The following NCAM2 variants were observed in gnomAD, a reference collection of about 807,000 sequenced individuals.
NCAM2 encodes N-CAM-2.
A neutral mutation model predicts 98.1 loss-of-function variants in NCAM2; 30 were observed. The observed-to-expected ratio is 0.31, with a 90% CI of 0.23 to 0.41. NCAM2 has a LOEUF of 0.41. Ranked by LOEUF, NCAM2 falls within the 10% of genes least tolerant of loss-of-function variation. NCAM2 has a pLI of 1.00. For missense variants in NCAM2, 867 were observed against 1,005.8 expected (o/e 0.86, Z 1.87); for synonymous variants, 368 against 342.4 (o/e 1.07, Z -0.83).
intron 1 of NCAM2, among the ~76,000 whole-genome samples, chr21:21,168,604 C>T (rs774108902): frequency 2.6e-5 from 4 of 152,012 alleles, no homozygotes; most frequent in Non-Finnish European, 4.4e-5. Flanking sequence ...ATTATAGCAA[C>T]GTTGAAGATT....
intron 9 of NCAM2, among the ~76,000 whole-genome samples, chr21:21,390,164 A>G (rs905149967): frequency 4.0e-5 from 6 of 151,844 alleles, no homozygotes; most frequent in Admixed American, 6.6e-5. Context: ...ATTTTTTTTT[A>G]TATTGACTAC....
intron 1 of NCAM2, among the ~76,000 whole-genome samples, chr21:21,250,516 C>T (rs988078625): frequency 6.6e-6 from 1 of 152,116 alleles, no homozygotes; most frequent in African/African-American, 2.4e-5. Context: ...ATATGCAACA[C>T]ATGGGTCAGT....
chr21:21,531,279 C>T (rs1404628888), intron 16 of NCAM2, among the ~76,000 whole-genome samples: 2 of 151,776 alleles, frequency 1.3e-5, no homozygotes, highest in Non-Finnish European at 2.9e-5. Context: ...AAATTTTTTT[C>T]AGTGTTGACA....
At chr21:21,522,868 A>G (rs567141084) in intron 16 of NCAM2, among the ~76,000 whole-genome samples, 3 of 151,842 alleles carry the variant, frequency 2.0e-5, no homozygotes, top group Non-Finnish European at 4.4e-5. Flanking sequence ...CTGACCTCCA[A>G]CCACCTCGGC....
At chr21:21,486,165 G>T (rs1198050432) in intron 15 of NCAM2, among the ~76,000 whole-genome samples, 1 of 151,826 alleles carries the variant, frequency 6.6e-6, no homozygotes, top group East Asian at 1.9e-4. Context: ...TTAGCCGGGC[G>T]TGGTGGCGGG....
Position 21,014,994 on chromosome 21 carries a change from A to G in NCAM2, c.55+16376A>G, listed in dbSNP as rs538778755. On this transcript the variant is annotated intron_variant, in intron 1 of 17. Coordinates refer to ENST00000400546, the MANE Select transcript of NCAM2 (RefSeq NM_004540.5). ...CTGCAGATCTGATGGAAAGAGGAAG[A>G]GAAATAGATTAGAAGTGGAGCTTGC... Among the ~76,000 whole-genome samples the G allele has an allele frequency of 2.0e-5, 3 of 152,206 alleles. No homozygotes were observed. The South Asian group carries it at 6.2e-4, about 31-fold the overall frequency.
chr21:21,284,303 C>A lies in NCAM2; in HGVS notation c.240C>A (p.Ile80=). ...AAGGTGTTAGGTCACGGTTAACCAT[C>A]TACAATGCAAATATAGAAGATGCAG... The part of the protein sequence containing the change: ...QKEGVRSRLT[I]YNANIEDAGI... Residue 80 remains isoleucine (I), a synonymous_variant, in exon 3 of 18, where the codon ATC becomes ATA. Coordinates refer to ENST00000400546, the MANE Select transcript of NCAM2 (RefSeq NM_004540.5). 2 of 1,612,166 alleles carry A rather than the reference C, an allele frequency of 1.2e-6. No homozygotes were observed. Among genetic ancestry groups the A allele is most frequent in the Non-Finnish European group, 1.7e-6 (2 of 1,178,574 alleles).
At chr21:21,091,839 T>C (rs571121306) in intron 1 of NCAM2, among the ~76,000 whole-genome samples, 6 of 152,266 alleles carry the variant, frequency 3.9e-5, no homozygotes, top group African/African-American at 1.4e-4. Flanking sequence ...AAATAGTTTT[T>C]TTAAAAAATA....
intron 1 of NCAM2, among the ~76,000 whole-genome samples, chr21:21,156,222 A>T (rs2067606341): frequency 6.6e-6 from 1 of 151,988 alleles, no homozygotes; most frequent in Admixed American, 6.6e-5. Context: ...AGAATGAAGC[A>T]TTTTTTGTTT....
At chr21:21,520,257 G>T (rs2146386198) in intron 16 of NCAM2, among the ~76,000 whole-genome samples, 1 of 151,988 alleles carries the variant, frequency 6.6e-6, no homozygotes, top group South Asian at 2.1e-4. Context: ...TTTTATTCTG[G>T]CAGGAACCAC....
intron 2 of NCAM2, 139 bp downstream of exon 2, chr21:21,280,791 GT>G (rs2072901900): frequency 6.8e-6 from 4 of 590,526 alleles, no homozygotes; most frequent in Non-Finnish European, 1.1e-5. Flanking sequence ...TTTTGTTTTT[GT>G]TGTTTTTGAG....
intron 1 of NCAM2, among the ~76,000 whole-genome samples, chr21:21,001,038 T>A (rs2064010852): frequency 6.6e-6 from 1 of 152,172 alleles, no homozygotes; most frequent in Non-Finnish European, 1.5e-5. Flanking sequence ...ACAGTATACT[T>A]GCAGGGGATT....
chr21:21,110,069 T>G (rs2066424424), intron 1 of NCAM2, among the ~76,000 whole-genome samples: 1 of 152,138 alleles, frequency 6.6e-6, no homozygotes, highest in Non-Finnish European at 1.5e-5. Context: ...AGGGGCCAGT[T>G]GGGATTACAA....
At chr21:21,101,081 A>G (rs2066231202) in intron 1 of NCAM2, among the ~76,000 whole-genome samples, 1 of 152,024 alleles carries the variant, frequency 6.6e-6, no homozygotes, top group African/African-American at 2.4e-5. Flanking sequence ...AGGTATTACA[A>G]AGAAGAGAAT....
intron 1 of NCAM2, among the ~76,000 whole-genome samples, chr21:21,035,841 A>G (rs895181661): frequency 2.8e-4 from 43 of 152,210 alleles, no homozygotes; most frequent in African/African-American, 4.8e-5. Flanking sequence ...TTTACCTTGG[A>G]CAAGACTTAA....
At chr21:21,134,947 T>G (rs760641458) in intron 1 of NCAM2, among the ~76,000 whole-genome samples, 1 of 152,030 alleles carries the variant, frequency 6.6e-6, no homozygotes, top group African/African-American at 2.4e-5. Flanking sequence ...TTAAAACTTC[T>G]GAACTCGCTG....
chr21:21,007,301 C>G (rs927999792), intron 1 of NCAM2, among the ~76,000 whole-genome samples: 4 of 151,862 alleles, frequency 2.6e-5, no homozygotes, highest in African/African-American at 9.7e-5. Flanking sequence ...TTTTTGGTAC[C>G]TCTGTTACCA....
chr21:21,463,455 G>A (rs1044231333), intron 12 of NCAM2, among the ~76,000 whole-genome samples: 4 of 152,056 alleles, frequency 2.6e-5, no homozygotes, highest in African/African-American at 9.7e-5. Context: ...ACTTACATCA[G>A]TAGGTTTATT....
intron 15 of NCAM2, among the ~76,000 whole-genome samples, chr21:21,493,001 T>G (rs115227844): frequency 0.01 from 1,560 of 152,034 alleles, 30 homozygotes; most frequent in African/African-American, 0.036. Flanking sequence ...AAACTACCCT[T>G]GGCTCTTGAA....
Sources: gnomAD v4.1 joint callset for allele counts (sites outside exome capture counted in the v4.1 genomes callset) on GRCh38, gnomAD v4.1.1 for gene constraint, MANE v1.5 for transcripts, NCBI Gene and HGNC (gene_info 2026-07-23, HGNC 2026-07-21) for gene names.